ENOX1: variants seen among roughly 807,000 people sequenced by gnomAD.
The protein encoded by ENOX1 is candidate growth-related and time keeping constitutive hydroquinone (NADH) oxidase.
In ENOX1, 42 loss-of-function variants were observed where a neutral mutation model predicts 82.5. The observed-to-expected ratio is 0.51, with a 90% CI of 0.40 to 0.66. The LOEUF (loss-of-function observed/expected upper bound fraction) is 0.66, where lower values mean the gene tolerates loss of function less well. Among genes scored for constraint, ENOX1 ranks in the 30% least tolerant of loss-of-function variants. ENOX1 has a pLI of 0.00. For synonymous variants in ENOX1, 271 were observed against 282.2 expected (o/e 0.96, Z 0.40); for missense variants, 608 against 811.6 (o/e 0.75, Z 3.05).
intron 5 of ENOX1, among the ~76,000 whole-genome samples, chr13:43,369,369 G>C (rs2051063376): frequency 6.6e-6 from 1 of 152,172 alleles, no homozygotes; most frequent in South Asian, 2.1e-4. Flanking sequence ...ACCTATTAAT[G>C]GTGGTCTCTA....
intron 2 of ENOX1, among the ~76,000 whole-genome samples, chr13:43,548,485 T>C: frequency 6.6e-6 from 1 of 152,236 alleles, no homozygotes; most frequent in East Asian, 1.9e-4. Flanking sequence ...ATTGGCTTCA[T>C]TTTTAAGTAG....
At chr13:43,692,109 TAATTG>T (rs1035800971) in intron 1 of ENOX1, among the ~76,000 whole-genome samples, 6 of 152,186 alleles carry the variant, frequency 3.9e-5, no homozygotes, top group African/African-American at 1.4e-4. Context: ...TAGTGGATGG[TAATTG>T]ACATATGGAA....
chr13:43,606,698 A>T (rs1283504195), intron 2 of ENOX1, among the ~76,000 whole-genome samples: 1 of 152,122 alleles, frequency 6.6e-6, no homozygotes, highest in Non-Finnish European at 1.5e-5. Context: ...GTACAAAAAT[A>T]TAATTAGATA....
intron 2 of ENOX1, among the ~76,000 whole-genome samples, chr13:43,589,871 A>G (rs1046088050): frequency 5.7e-4 from 86 of 150,324 alleles, no homozygotes; most frequent in African/African-American, 1.6e-3. Context: ...TGGTACCCCA[A>G]TGAAGCACAG....
intron 14 of ENOX1, among the ~76,000 whole-genome samples, chr13:43,258,434 T>C (rs2153474615): frequency 6.6e-6 from 1 of 152,138 alleles, no homozygotes; most frequent in East Asian, 1.9e-4. Context: ...GCAGGGGTTG[T>C]AGAGGGAGAG....
chr13:43,368,616 A>C (rs961432428), intron 5 of ENOX1, among the ~76,000 whole-genome samples: 3 of 152,230 alleles, frequency 2.0e-5, no homozygotes, highest in Non-Finnish European at 4.4e-5. Flanking sequence ...TGACACAGTC[A>C]GAGCAAGCTG....
chr13:43,255,678 T>TA (rs1209328789), intron 14 of ENOX1, among the ~76,000 whole-genome samples: 1 of 151,870 alleles, frequency 6.6e-6, no homozygotes, highest in African/African-American at 2.4e-5. Flanking sequence ...TTACAATAGC[T>TA]AAAAAAATGT....
At position 43,365,649 on chromosome 13, in the gene ENOX1, CCAGGATTCAGGCAGGAGAAGCAAGA is replaced by C. The variant is rs1420698348; in HGVS notation, c.209-4222_209-4198del. Among the ~76,000 whole-genome samples the C allele has an allele frequency of 9.2e-5, 14 of 152,280 alleles. No individual in the cohort carries two copies. In the East Asian group the frequency reaches 2.3e-3, roughly 25 times the overall value. On this transcript the variant is annotated intron_variant, in intron 5 of 16. Transcript: ENST00000690772. Reference sequence around the variant, plus strand: ...TAGGCCAATTGGCAGGTTACCTAAGCCAGGATTCAGGCAGGAGAAGCAAGACAGGATTCAGACAACAAAATAGAAG... The same window carrying C: ...TAGGCCAATTGGCAGGTTACCTAAGCCAGGATTCAGACAACAAAATAGAAG...
chr13:43,361,208 G>A lies in ENOX1; in HGVS notation c.382+71C>T, dbSNP rs143943437. ...GTGTGAGTCACATCTGAAAATGACT[G>A]CAATGCCATTTTAAAATTTAAAAAG... On this transcript the variant is annotated intron_variant, in intron 6 of 16. Coordinates refer to ENST00000690772, the MANE Select transcript of ENOX1 (RefSeq NM_001347969.2). 4.2e-5 allele frequency: 62 copies of A among 1,489,600 alleles called. No individual in the cohort carries two copies. In the East Asian group the frequency reaches 1.4e-3, roughly 34 times the overall value. The allele number at this position is 1,489,600 out of a possible 1,614,324, so 92.3% of individuals were successfully genotyped here.
chr13:43,258,564 T>C (rs2153474693), intron 14 of ENOX1, among the ~76,000 whole-genome samples: 1 of 152,208 alleles, frequency 6.6e-6, no homozygotes, highest in South Asian at 2.1e-4. Context: ...CAGGGTAATA[T>C]ATTCAATAGG....
chr13:43,236,589 C>G (rs1448016919), intron 15 of ENOX1, 47 bp downstream of exon 15: 1 of 1,143,224 alleles, frequency 8.7e-7, no homozygotes, highest in Non-Finnish European at 1.2e-6. Flanking sequence ...AGTTAATTAC[C>G]TAATAATTAT....
intron 2 of ENOX1, among the ~76,000 whole-genome samples, chr13:43,526,891 C>A (rs183206564): frequency 6.6e-6 from 1 of 152,006 alleles, no homozygotes; most frequent in Non-Finnish European, 1.5e-5. Context: ...AATGGGATTA[C>A]GGCCCATATG....
chr13:43,297,570 C>T lies in ENOX1; in HGVS notation c.1446+776G>A, dbSNP rs181773424. Among the ~76,000 whole-genome samples the T allele has an allele frequency of 5.4e-3, 829 of 152,276 alleles. 3 individuals carry two copies. The highest frequency in any genetic ancestry group is 8.2e-3 in the Non-Finnish European group (557 of 68,018). On this transcript the variant is annotated intron_variant, in intron 12 of 16. Transcript: ENST00000690772. ...AATATCAGGTACCAATTGACGTTTT[C>T]AGATACAAATCTGACTGTGAATCTT...
intron 12 of ENOX1, among the ~76,000 whole-genome samples, chr13:43,293,080 C>T (rs1307659105): frequency 2.6e-5 from 4 of 151,854 alleles, no homozygotes; most frequent in South Asian, 4.2e-4. Flanking sequence ...AGCCACCATC[C>T]TCACCATGGC....
intron 2 of ENOX1, among the ~76,000 whole-genome samples, chr13:43,608,455 G>A (rs540264210): frequency 4.6e-5 from 7 of 152,184 alleles, no homozygotes; most frequent in Admixed American, 6.5e-5. Context: ...ACATTTTCCC[G>A]TGTTTATCTT....
Position 43,324,225 on chromosome 13 carries a change from T to C in ENOX1, c.1144-1724A>G, listed in dbSNP as rs530756416. Among the ~76,000 whole-genome samples, 349 of 152,270 alleles carry C rather than the reference T, an allele frequency of 2.3e-3. 1 individual carries two copies. Among genetic ancestry groups the C allele is most frequent in the Non-Finnish European group, 3.7e-3 (253 of 68,022 alleles). The stretch of plus-strand genomic sequence containing the variant: ...ATTCCCAAAGAGGTGGCTTAACACT[T>C]GAAACAAGGAAAAGTCAGGTGGAAA... On this transcript the variant is annotated intron_variant, in intron 10 of 16. Transcript: ENST00000690772.
At chr13:43,547,173 G>C (rs915964956) in intron 2 of ENOX1, 1 of 152,190 alleles carries the variant, frequency 6.6e-6, no homozygotes, top group Admixed American at 6.5e-5. Flanking sequence ...TTCCACCCCA[G>C]GTTCACAGAC....
chr13:43,280,225 C>T (rs1418140514), intron 12 of ENOX1, among the ~76,000 whole-genome samples: 2 of 152,202 alleles, frequency 1.3e-5, no homozygotes, highest in Non-Finnish European at 2.9e-5. Flanking sequence ...TGAAGGCCTA[C>T]AGAAATTTGT....
intron 1 of ENOX1, among the ~76,000 whole-genome samples, chr13:43,703,033 G>T (rs958828596): frequency 6.7e-6 from 1 of 148,536 alleles, no homozygotes; most frequent in Non-Finnish European, 1.5e-5. Flanking sequence ...CACACAGAAG[G>T]CACCATCTAT....
Sources: gnomAD v4.1 joint callset for allele counts (sites outside exome capture counted in the v4.1 genomes callset) on GRCh38, gnomAD v4.1.1 for gene constraint, MANE v1.5 for transcripts, NCBI Gene and HGNC (gene_info 2026-07-23, HGNC 2026-07-21) for gene names.